METTL15: variants seen among roughly 807,000 people sequenced by gnomAD.
METTL15 encodes methyltransferase 15, mitochondrial 12S rRNA N4-cytidine.
A neutral mutation model predicts 38.3 loss-of-function variants in METTL15; 34 were observed. The ratio of observed to expected loss-of-function variants is 0.89; its 90% confidence interval spans 0.68 to 1.18. METTL15 has a LOEUF of 1.18. Ranked by LOEUF, METTL15 falls within the 50% of genes most tolerant of loss-of-function variation. The pLI is 0.00. For missense variants in METTL15, 438 were observed against 498.4 expected, an observed-to-expected ratio of 0.88 and a Z score of 1.15; for synonymous variants, 162 against 170.9, an observed-to-expected ratio of 0.95 and a Z score of 0.41.
intron 3 of METTL15, among the ~76,000 whole-genome samples, chr11:28,342,639 T>A (rs1849962762): frequency 6.6e-6 from 1 of 152,212 alleles, no homozygotes; most frequent in Admixed American, 6.5e-5. Flanking sequence ...CAGTTTGGGT[T>A]GGATTTCTGT....
At chr11:28,474,383 C>A (rs1444085209) in intron 6 of METTL15, among the ~76,000 whole-genome samples, 1 of 152,054 alleles carries the variant, frequency 6.6e-6, no homozygotes. Flanking sequence ...AAATAGGTCA[C>A]TAACACTATT....
rs891139288 is a variant in METTL15 at position 28,262,406 on chromosome 11, T to C, written c.408-27800T>C. On this transcript the variant is annotated intron_variant, in intron 4 of 6. Transcript: ENST00000407364. ...ATAACTGTATAGTATATATATTATATATATGCTATATACACAGATATGTAC... is the reference window on the plus strand; with the variant it reads ...ATAACTGTATAGTATATATATTATACATATGCTATATACACAGATATGTAC... 6.0e-5 allele frequency among the ~76,000 whole-genome samples: 9 copies of C among 151,146 alleles called. 1 individual carries two copies. The highest frequency in any genetic ancestry group is 1.0e-4 in the Non-Finnish European group (7 of 67,794).
chr11:28,174,133 G>A (rs1266669979), intron 3 of METTL15, among the ~76,000 whole-genome samples: 1 of 152,140 alleles, frequency 6.6e-6, no homozygotes, highest in Non-Finnish European at 1.5e-5. Flanking sequence ...TTCATTGGGG[G>A]TGGAATATCT....
intron 3 of METTL15, among the ~76,000 whole-genome samples, chr11:28,135,074 G>A (rs1014423619): frequency 2.6e-5 from 4 of 152,186 alleles, no homozygotes; most frequent in Non-Finnish European, 4.4e-5. Context: ...ACAGGAATAA[G>A]CAGGGTTAGT....
At chr11:28,271,493 T>TTA (rs747678781) in intron 4 of METTL15, among the ~76,000 whole-genome samples, 1 of 152,178 alleles carries the variant, frequency 6.6e-6, no homozygotes, top group Non-Finnish European at 1.5e-5. Flanking sequence ...GATTGCTGTC[T>TTA]TATAATACCT....
At chr11:28,389,297 T>A (rs577802265) in intron 5 of METTL15, among the ~76,000 whole-genome samples, 1 of 151,116 alleles carries the variant, frequency 6.6e-6, no homozygotes, top group Non-Finnish European at 1.5e-5. Context: ...TAGTTACATA[T>A]GTATACATGT....
chr11:28,220,900 T>A (rs1853178695), intron 4 of METTL15, among the ~76,000 whole-genome samples: 1 of 152,228 alleles, frequency 6.6e-6, no homozygotes, highest in Admixed American at 6.5e-5. Flanking sequence ...CCCACTCTCT[T>A]CTGGCTTGTA....
chr11:28,179,851 C>A (rs960435916), intron 3 of METTL15, among the ~76,000 whole-genome samples: 2 of 151,732 alleles, frequency 1.3e-5, no homozygotes, highest in African/African-American at 4.8e-5. Flanking sequence ...GGTTGAATCT[C>A]TTTACATTTG....
chr11:28,370,268 G>C (rs1269772039), intron 5 of METTL15, among the ~76,000 whole-genome samples: 1 of 151,360 alleles, frequency 6.6e-6, no homozygotes, highest in Non-Finnish European at 1.5e-5. Context: ...CTAAAGCTTT[G>C]GGAGATCCAC....
intron 6 of METTL15, among the ~76,000 whole-genome samples, chr11:28,468,289 AT>A (rs150476194): frequency 0.017 from 2,627 of 152,254 alleles, 41 homozygotes; most frequent in Middle Eastern, 0.044. Flanking sequence ...TAATTGAGAT[AT>A]TTCCCTCACA....
At chr11:28,506,580 C>CTTAGGGTA (rs1433165767) in intron 6 of METTL15, among the ~76,000 whole-genome samples, 1 of 152,008 alleles carries the variant, frequency 6.6e-6, no homozygotes, top group African/African-American at 2.4e-5. Context: ...AAACTTTGGT[C>CTTAGGGTA]TTAGGGTATA....
chr11:28,243,846 G>A (rs1307586855), intron 4 of METTL15, among the ~76,000 whole-genome samples: 1 of 152,040 alleles, frequency 6.6e-6, no homozygotes, highest in Non-Finnish European at 1.5e-5. Context: ...CTTTGTTTTA[G>A]TTATCTTTGG....
chr11:28,187,438 T>TACA (rs1851538055), intron 3 of METTL15, among the ~76,000 whole-genome samples: 1 of 150,752 alleles, frequency 6.6e-6, no homozygotes, highest in Non-Finnish European at 1.5e-5. Context: ...ATTAATAATG[T>TACA]ATAACTCAGG....
At chr11:28,500,564 G>A (rs1178969775) in intron 6 of METTL15, among the ~76,000 whole-genome samples, 3 of 150,022 alleles carry the variant, frequency 2.0e-5, no homozygotes, top group South Asian at 2.1e-4. Context: ...ACAGAATCTC[G>A]CTCTGCCACC....
chr11:28,528,611 AC>A (rs1360785916), downstream of METTL15, among the ~76,000 whole-genome samples: 1 of 152,208 alleles, frequency 6.6e-6, no homozygotes, highest in Non-Finnish European at 1.5e-5. Flanking sequence ...AGTACCTGGC[AC>A]TTTGGGCCAT....
downstream of METTL15, among the ~76,000 whole-genome samples, chr11:28,334,790 A>G (rs1287111662): frequency 6.6e-6 from 1 of 152,168 alleles, no homozygotes; most frequent in African/African-American, 2.4e-5. Flanking sequence ...GTCTAGTTGC[A>G]GCATAAAATT....
intron 3 of METTL15, among the ~76,000 whole-genome samples, chr11:28,172,876 A>G (rs1322663329): frequency 6.6e-6 from 1 of 152,296 alleles, no homozygotes; most frequent in East Asian, 1.9e-4. Context: ...TTAGAAGAAT[A>G]TCTCTCCTTT....
intron 3 of METTL15, 89 bp downstream of exon 3, chr11:28,113,693 T>C (rs1372255973): frequency 1.4e-5 from 19 of 1,399,874 alleles, no homozygotes; most frequent in Non-Finnish European, 1.8e-5. Context: ...TACAATTCAG[T>C]GGCCTTTAGT....
intron 3 of METTL15, among the ~76,000 whole-genome samples, chr11:28,194,723 G>A (rs1851846421): frequency 1.3e-5 from 2 of 152,044 alleles, no homozygotes; most frequent in South Asian, 4.2e-4. Context: ...AGCTTTAGGG[G>A]TACAAGTGGT....
Sources: allele counts gnomAD v4.1 joint callset (sites outside exome capture counted in the v4.1 genomes callset), GRCh38; gene constraint gnomAD v4.1.1; transcripts MANE v1.5; gene names NCBI Gene and HGNC (gene_info 2026-07-23, HGNC 2026-07-21).